Variants in TBP observed in about 807,000 individuals in gnomAD.
The protein encoded by TBP is TATA-box-binding protein.
TBP carries 12 observed loss-of-function variants against 46.2 expected under a neutral mutation model. That is an observed-to-expected ratio of 0.26 (90% confidence interval 0.17 to 0.42). The LOEUF is 0.42. TBP is among the 10% of genes least tolerant of loss of function. The pLI is 1.00. For synonymous variants in TBP, 157 were observed against 148.3 expected, an observed-to-expected ratio of 1.06 and a Z score of -0.42; for missense variants, 229 against 403.1, an observed-to-expected ratio of 0.57 and a Z score of 3.70.
chr6:170,555,783 G>A (rs983032701), intron 1 of TBP, among the ~76,000 whole-genome samples: 15 of 152,068 alleles, frequency 9.9e-5, no homozygotes, highest in African/African-American at 3.4e-4. Flanking sequence ...TGCATTCAAG[G>A]AACTTAGCTT....
chr6:170,555,979 T>C (rs1051138887), intron 1 of TBP, among the ~76,000 whole-genome samples: 7 of 152,218 alleles, frequency 4.6e-5, no homozygotes, highest in Admixed American at 4.6e-4. Flanking sequence ...CTCTGATATA[T>C]TTATTTCCAG....
intron 5 of TBP, among the ~76,000 whole-genome samples, chr6:170,568,829 T>C (rs1004713306): frequency 8.4e-6 from 1 of 118,844 alleles, no homozygotes; most frequent in Admixed American, 8.1e-5. Context: ...TTTTTTTTTT[T>C]TTTTTTTTTT....
intron 1 of TBP, among the ~76,000 whole-genome samples, chr6:170,554,916 A>G (rs1379685287): frequency 6.6e-6 from 1 of 152,202 alleles, no homozygotes; most frequent in Non-Finnish European, 1.5e-5. Context: ...CGCTTAAGAT[A>G]TAATACACAC....
In TBP at chr6:170,569,685, T is replaced by C; in HGVS notation, c.751T>C (p.Leu251=). 6.2e-7 allele frequency: 1 copy of C among 1,614,186 alleles called. No homozygotes were observed. Among genetic ancestry groups the C allele is most frequent in the Non-Finnish European group, 8.5e-7 (1 of 1,180,006 alleles). ...VQKLGFPAKF[L]DFKIQNMVGS... is the part of the protein sequence containing the mutation. The stretch of plus-strand genomic sequence containing the variant: ...GAAGTTGGGTTTTCCAGCTAAGTTC[T>C]TGGACTTCAAGATTCAGAATATGGT... The change falls in exon 6 of 8, where the codon TTG becomes CTG. Residue 251 remains leucine (L), a synonymous_variant. Transcript: ENST00000392092.
At chr6:170,556,429 G>A (rs896909619) in intron 1 of TBP, among the ~76,000 whole-genome samples, 1 of 151,726 alleles carries the variant, frequency 6.6e-6, no homozygotes, top group Non-Finnish European at 1.5e-5. Flanking sequence ...AAGTATATTG[G>A]ATTGAATTTG....
At position 170,572,226 on chromosome 6, in the gene TBP, C is replaced by T. The variant is rs1439979247; in HGVS notation, c.981C>T (p.Asn327=). ...VRAEIYEAFE[N]IYPILKGFRK... ...CAGAAATTTATGAAGCATTTGAAAA[C>T]ATCTACCCTATTCTAAAGGGATTCA... Residue 327 remains asparagine, a synonymous_variant, in exon 8 of 8, where the codon AAC becomes AAT. Transcript: ENST00000392092. 1.2e-6 allele frequency: 2 copies of T among 1,613,828 alleles called. No individual in the cohort carries two copies. Among genetic ancestry groups the T allele is most frequent in the East Asian group, 2.2e-5 (1 of 44,860 alleles).
intron 3 of TBP, 59 bp downstream of exon 3, chr6:170,562,292 T>C (rs1022527438): frequency 2.0e-6 from 3 of 1,524,864 alleles, no homozygotes; most frequent in Admixed American, 1.8e-5. Flanking sequence ...GTTATGTTCC[T>C]GCTCTGTTTT....
At chr6:170,568,852 A>T (rs1305858151) in intron 5 of TBP, among the ~76,000 whole-genome samples, 1 of 74,100 alleles carries the variant, frequency 1.3e-5, no homozygotes, top group African/African-American at 6.0e-5. Flanking sequence ...TGGTGGAGTC[A>T]CCTAGGCTGG....
chr6:170,561,718 T>TGTTCCACCAAGAAA, intron 2 of TBP, 73 bp from the exon 3 acceptor site: 1 of 1,559,324 alleles, frequency 6.4e-7, no homozygotes, highest in Non-Finnish European at 8.7e-7. Context: ...CCTGACCTGC[T>TGTTCCACCAAGAAA]GTTCCACCAA....
At chr6:170,555,725 AG>A (rs1362096588) in intron 1 of TBP, among the ~76,000 whole-genome samples, 1 of 152,174 alleles carries the variant, frequency 6.6e-6, no homozygotes, top group Non-Finnish European at 1.5e-5. Flanking sequence ...ACTGTATTCC[AG>A]GCATAGTGCT....
chr6:170,571,368 C>A, intron 6 of TBP, 42 bp from the exon 7 acceptor site: 1 of 1,440,232 alleles, frequency 6.9e-7, no homozygotes, highest in Non-Finnish European at 9.7e-7. Context: ...TAAAAGCACA[C>A]AAAGCTCTTG....
chr6:170,572,229 C>T lies in TBP; in HGVS notation c.984C>T (p.Ile328=), dbSNP rs201189241. Residue 328 remains isoleucine (I), a synonymous_variant, in exon 8 of 8, where the codon ATC becomes ATT. Coordinates refer to ENST00000392092, the MANE Select transcript of TBP (RefSeq NM_003194.5). ...AAATTTATGAAGCATTTGAAAACATCTACCCTATTCTAAAGGGATTCAGGA... is the reference window on the plus strand; with the variant it reads ...AAATTTATGAAGCATTTGAAAACATTTACCCTATTCTAAAGGGATTCAGGA... ...RAEIYEAFEN[I]YPILKGFRKT... is the part of the protein sequence containing the mutation. 5.5e-4 allele frequency: 889 copies of T among 1,613,980 alleles called. 13 individuals are homozygous for T. The South Asian group carries it at 8.9e-3, about 16-fold the overall frequency.
rs1165296018 is a variant in TBP at position 170,561,802 on chromosome 6, T to C, written c.66T>C (p.Thr22=). The change falls in exon 3 of 8, where the codon ACT becomes ACC. Residue 22 remains threonine (T), a synonymous_variant. Transcript: ENST00000392092. ...CTTGCTTTCCACAGGGTGCCATGAC[T>C]CCCGGAATCCCTATCTTTAGTCCAA... ...QGLASPQGAM[T]PGIPIFSPMM... 6.2e-7 allele frequency: 1 copy of C among 1,607,734 alleles called. No individual in the cohort carries two copies. Among genetic ancestry groups the C allele is most frequent in the African/African-American group, 1.3e-5 (1 of 74,626 alleles).
chr6:170,564,507 A>G lies in TBP; in HGVS notation c.498-38A>G, dbSNP rs1257594019. On this transcript the variant is annotated intron_variant, in intron 3 of 7. Transcript: ENST00000392092. The stretch of plus-strand genomic sequence containing the variant: ...CGCCTCATCCAATGAAACTTAAGTA[A>G]TTTAAATAGTCGTGTTTTCTTTTTA... 2.6e-5 allele frequency: 37 copies of G among 1,446,642 alleles called. No individual in the cohort carries two copies. The Admixed American group carries it at 7.2e-4, about 28-fold the overall frequency. 89.6% of individuals were successfully genotyped at this position (1,446,642 alleles called of 1,614,324 possible).
At chr6:170,555,782 G>A (rs1051034097) in intron 1 of TBP, among the ~76,000 whole-genome samples, 2 of 152,182 alleles carry the variant, frequency 1.3e-5, no homozygotes, top group African/African-American at 4.8e-5. Context: ...CTGCATTCAA[G>A]GAACTTAGCT....
At chr6:170,562,432 C>T (rs1779167504) in intron 3 of TBP, among the ~76,000 whole-genome samples, 199 bp downstream of exon 3, 1 of 152,204 alleles carries the variant, frequency 6.6e-6, no homozygotes, top group South Asian at 2.1e-4. Context: ...AGGCTCTTAA[C>T]AGGTTTAGAA....
intron 1 of TBP, among the ~76,000 whole-genome samples, chr6:170,556,630 G>C (rs1285141294): frequency 6.6e-6 from 1 of 152,176 alleles, no homozygotes; most frequent in Non-Finnish European, 1.5e-5. Flanking sequence ...GGTTATGACA[G>C]CTCGATTTTG....
chr6:170,566,844 TCAATGGG>T, intron 4 of TBP, 67 bp from the exon 5 acceptor site: 2 of 1,324,632 alleles, frequency 1.5e-6, no homozygotes, highest in African/African-American at 1.4e-5. Flanking sequence ...GATTTTTTTG[TCAATGGG>T]TGGTTCGCCT....
At position 170,562,145 on chromosome 6, in the gene TBP, C is replaced by G. The variant is rs778241571; in HGVS notation, c.409C>G (p.Pro137Ala). 3 of 1,614,068 alleles carry G rather than the reference C, an allele frequency of 1.9e-6. No homozygotes were observed. The highest frequency in any genetic ancestry group is 2.2e-5 in the South Asian group (2 of 91,084). Residue 137 changes from proline (P) to alanine (A), a missense_variant, in exon 3 of 8, where the codon CCA (proline) becomes GCA (alanine). By Grantham distance (27) the Pro-to-Ala change is conservative. Transcript: ENST00000392092. ...AACTGCACCCTTGCCGGGCACCACT[C>G]CACTGTATCCCTCCCCCATGACTCC... The part of the protein sequence containing the change: ...LTTAPLPGTT[P>A]LYPSPMTPMT...
Sources: gnomAD v4.1 joint callset for allele counts (sites outside exome capture counted in the v4.1 genomes callset) on GRCh38, gnomAD v4.1.1 for gene constraint, MANE v1.5 for transcripts, NCBI Gene and HGNC (gene_info 2026-07-23, HGNC 2026-07-21) for gene names.